ATP11A: variants seen among roughly 807,000 people sequenced by gnomAD.
ATP11A encodes the protein ATPase phospholipid transporting 11A.
In ATP11A, 81 loss-of-function variants were observed where a neutral mutation model predicts 154.4. The ratio of observed to expected loss-of-function variants is 0.52; its 90% CI spans 0.44 to 0.63. The LOEUF (loss-of-function observed/expected upper bound fraction) is 0.63. Ranked by LOEUF, ATP11A falls within the 30% of genes least tolerant of loss-of-function variation. The pLI, the probability that ATP11A is intolerant of heterozygous loss-of-function variation, is 0.00. For missense variants in ATP11A, 1,316 were observed against 1,474.3 expected (o/e 0.89, Z 1.76); for synonymous variants, 623 against 585.9 (o/e 1.06, Z -0.91).
At chr13:112,721,575 G>A (rs1476625742) in intron 1 of ATP11A, among the ~76,000 whole-genome samples, 1 of 152,132 alleles carries the variant, frequency 6.6e-6, no homozygotes, top group African/African-American at 2.4e-5. Flanking sequence ...CGGGGATGTG[G>A]CCTGGGAACG....
intron 29 of ATP11A, chr13:112,878,532 G>A (rs937556469): frequency 3.6e-5 from 21 of 591,362 alleles, no homozygotes; most frequent in East Asian, 8.5e-5. Context: ...CTCCCTCAGC[G>A]TCCGTGCAGC....
In ATP11A at chr13:112,742,037, C is replaced by A. The variant is rs569923275; in HGVS notation, c.40-43098C>A. On this transcript the variant is annotated intron_variant, in intron 1 of 29. Coordinates refer to ENST00000375645, the MANE Select transcript of ATP11A (RefSeq NM_015205.3). ...ACAGAAGAGTGCTCCCCTTCCCCCA[C>A]AGGGGAGTGCTCCCCCTCCCCACAG... Among the ~76,000 whole-genome samples the A allele has an allele frequency of 2.6e-5, 4 of 151,612 alleles. No homozygotes were observed. The South Asian group carries it at 6.7e-4, about 25-fold the overall frequency.
intron 8 of ATP11A, among the ~76,000 whole-genome samples, chr13:112,820,527 C>T (rs1228728873): frequency 6.6e-6 from 1 of 152,206 alleles, no homozygotes; most frequent in Non-Finnish European, 1.5e-5. Context: ...ACATCGCATA[C>T]CCATGAGGAA....
At chr13:112,721,736 C>T (rs1466476406) in intron 1 of ATP11A, among the ~76,000 whole-genome samples, 2 of 152,226 alleles carry the variant, frequency 1.3e-5, no homozygotes, top group African/African-American at 4.8e-5. Flanking sequence ...CTCCTGCCCG[C>T]CTCTTCTGGC....
intron 1 of ATP11A, among the ~76,000 whole-genome samples, chr13:112,758,525 G>A (rs903369139): frequency 1.3e-5 from 2 of 151,568 alleles, no homozygotes; most frequent in Admixed American, 1.3e-4. Context: ...CTGGGTTCAC[G>A]ACATTCTCCT....
intron 4 of ATP11A, among the ~76,000 whole-genome samples, chr13:112,810,358 C>T (rs77364833): frequency 6.6e-6 from 1 of 152,184 alleles, no homozygotes; most frequent in East Asian, 1.9e-4. Flanking sequence ...AGTACTTATA[C>T]ACACTTCGAT....
intron 1 of ATP11A, among the ~76,000 whole-genome samples, chr13:112,752,867 C>G (rs933522505): frequency 6.6e-6 from 1 of 152,178 alleles, no homozygotes; most frequent in Admixed American, 6.5e-5. Context: ...GATGCACCCA[C>G]CTGGGAGTGG....
intron 1 of ATP11A, among the ~76,000 whole-genome samples, chr13:112,698,707 T>A (rs1886165950): frequency 6.8e-6 from 1 of 146,074 alleles, no homozygotes; most frequent in Non-Finnish European, 1.5e-5. Context: ...ACCAATCTTT[T>A]ATTTATTTAT....
chr13:112,731,101 A>ATTTTTTTTT, intron 1 of ATP11A, among the ~76,000 whole-genome samples: 3 of 151,734 alleles, frequency 2.0e-5, no homozygotes, highest in African/African-American at 7.3e-5. Flanking sequence ...CGCCCAGATA[A>ATTTTTTTTT]TTTTTGTATT....
intron 1 of ATP11A, among the ~76,000 whole-genome samples, chr13:112,702,062 A>G (rs1443424914): frequency 6.6e-6 from 1 of 151,802 alleles, no homozygotes; most frequent in Non-Finnish European, 1.5e-5. Context: ...ACTCTTAAGT[A>G]CAGCCTGGTG....
At chr13:112,711,635 C>T (rs747513274) in intron 1 of ATP11A, among the ~76,000 whole-genome samples, 5 of 152,050 alleles carry the variant, frequency 3.3e-5, no homozygotes, top group Admixed American at 6.5e-5. Flanking sequence ...ATCCCGTCAG[C>T]GGGCACCGTG....
chr13:112,870,036 TC>T (rs1164922693), intron 25 of ATP11A, among the ~76,000 whole-genome samples: 1 of 151,972 alleles, frequency 6.6e-6, no homozygotes, highest in Non-Finnish European at 1.5e-5. Flanking sequence ...CGGCCAGGTG[TC>T]CCTGGGGGCA....
At chr13:112,741,063 G>C (rs1891495229) in intron 1 of ATP11A, among the ~76,000 whole-genome samples, 1 of 152,238 alleles carries the variant, frequency 6.6e-6, no homozygotes, top group South Asian at 2.1e-4. Context: ...GTTTAGGTCA[G>C]TGTTTCTAAT....
At chr13:112,737,539 G>C (rs938778079) in intron 1 of ATP11A, among the ~76,000 whole-genome samples, 2 of 152,230 alleles carry the variant, frequency 1.3e-5, no homozygotes, top group Non-Finnish European at 2.9e-5. Context: ...GAGGAGGGAA[G>C]GGGCTGGGCT....
At chr13:112,791,755 T>C (rs1384960061) in intron 2 of ATP11A, among the ~76,000 whole-genome samples, 1 of 152,152 alleles carries the variant, frequency 6.6e-6, no homozygotes, top group African/African-American at 2.4e-5. Context: ...GCCCTTCCTC[T>C]CCGCTGCTCC....
At chr13:112,726,340 G>A (rs1262284001) in intron 1 of ATP11A, among the ~76,000 whole-genome samples, 1 of 151,930 alleles carries the variant, frequency 6.6e-6, no homozygotes, top group Admixed American at 6.5e-5. Context: ...GGCCTGGGGG[G>A]CACTGCATGC....
intron 2 of ATP11A, among the ~76,000 whole-genome samples, chr13:112,796,055 G>T (rs1337475435): frequency 1.3e-5 from 2 of 152,164 alleles, no homozygotes; most frequent in Admixed American, 6.5e-5. Context: ...TAAGATTGTG[G>T]TTTTTGTAAA....
At chr13:112,844,525 C>T (rs901050761) in intron 17 of ATP11A, among the ~76,000 whole-genome samples, 9 of 152,190 alleles carry the variant, frequency 5.9e-5, no homozygotes, top group African/African-American at 2.2e-4. Context: ...ACCACCGCTC[C>T]ACTCGCCGTC....
rs143725380 is a variant in ATP11A at position 112,740,647 on chromosome 13, T to C, written c.40-44488T>C. ...CCTGCACGGAGAAGAGAGGGCTTTG[T>C]AGCTCTCAGCAGACAAGGCGTGCTG... On this transcript the variant is annotated intron_variant, in intron 1 of 29. Transcript: ENST00000375645. Among the ~76,000 whole-genome samples, 438 of 152,338 alleles carry C rather than the reference T, an allele frequency of 2.9e-3. 7 individuals carry two copies. The highest frequency in any genetic ancestry group is 0.01 in the African/African-American group (422 of 41,580).
Sources: gnomAD v4.1 joint callset for allele counts (sites outside exome capture counted in the v4.1 genomes callset) on GRCh38, gnomAD v4.1.1 for gene constraint, MANE v1.5 for transcripts, NCBI Gene and HGNC (gene_info 2026-07-23, HGNC 2026-07-21) for gene names.